TAFA2: variants seen among roughly 807,000 people sequenced by gnomAD.
TAFA2 encodes chemokine-like protein TAFA-2.
Under a neutral mutation model 18.8 loss-of-function variants are expected in TAFA2, and 7 were observed. The observed-to-expected ratio is 0.37, with a 90% CI of 0.21 to 0.70. The LOEUF (loss-of-function observed/expected upper bound fraction) is 0.70, where lower values mean the gene tolerates loss of function less well. TAFA2 is among the 30% of genes least tolerant of loss of function. TAFA2 has a pLI of 0.53. For missense variants in TAFA2, 122 were observed against 158.1 expected, an observed-to-expected ratio of 0.77 and a Z score of 1.23; for synonymous variants, 60 against 54.2, an observed-to-expected ratio of 1.11 and a Z score of -0.47.
intron 2 of TAFA2, among the ~76,000 whole-genome samples, chr12:61,772,972 C>G (rs888027225): frequency 6.6e-6 from 1 of 151,756 alleles, no homozygotes; most frequent in Non-Finnish European, 1.5e-5. Flanking sequence ...TAAAGACTCA[C>G]CCAGAAAGCT....
At chr12:61,864,383 A>G (rs1432318376) in intron 2 of TAFA2, among the ~76,000 whole-genome samples, 1 of 149,246 alleles carries the variant, frequency 6.7e-6, no homozygotes, top group Non-Finnish European at 1.5e-5. Flanking sequence ...TATATACCAT[A>G]TAGAAATATA....
At chr12:62,103,529 G>T (rs1333086304) in intron 1 of TAFA2, among the ~76,000 whole-genome samples, 1 of 152,124 alleles carries the variant, frequency 6.6e-6, no homozygotes, top group African/African-American at 2.4e-5. Context: ...ATCACCTGAG[G>T]TCAGGAGTTC....
intron 1 of TAFA2, among the ~76,000 whole-genome samples, chr12:62,203,773 C>G (rs949666446): frequency 5.3e-5 from 8 of 152,146 alleles, no homozygotes; most frequent in Admixed American, 3.3e-4. Flanking sequence ...ACCAATGGGT[C>G]TTGACTCTTT....
intron 2 of TAFA2, among the ~76,000 whole-genome samples, chr12:61,834,220 C>A (rs779118841): frequency 6.6e-6 from 1 of 152,016 alleles, no homozygotes; most frequent in Non-Finnish European, 1.5e-5. Flanking sequence ...CACCGTTTTG[C>A]TCTTGGGCCC....
chr12:62,020,431 T>G (rs1189617134), intron 1 of TAFA2, among the ~76,000 whole-genome samples: 2 of 152,038 alleles, frequency 1.3e-5, no homozygotes, highest in African/African-American at 4.8e-5. Context: ...TAAGAAAACT[T>G]AAAAAGAATG....
intron 1 of TAFA2, among the ~76,000 whole-genome samples, chr12:61,932,315 A>C (rs935064045): frequency 3.6e-4 from 55 of 152,210 alleles, no homozygotes; most frequent in African/African-American, 1.3e-3. Flanking sequence ...TTTGAAAAGA[A>C]ACTTTAAGGT....
chr12:62,075,838 T>C (rs946756017), intron 1 of TAFA2, among the ~76,000 whole-genome samples: 4 of 152,272 alleles, frequency 2.6e-5, no homozygotes, highest in African/African-American at 9.6e-5. Context: ...CTGATTATTA[T>C]ATTGTTAGTG....
intron 1 of TAFA2, among the ~76,000 whole-genome samples, chr12:61,974,195 T>C (rs919927937): frequency 2.6e-5 from 4 of 151,764 alleles, no homozygotes; most frequent in African/African-American, 9.7e-5. Context: ...TAATAAAATA[T>C]ATTCCTGTTC....
At chr12:61,851,718 T>C (rs1873659016) in intron 2 of TAFA2, among the ~76,000 whole-genome samples, 1 of 122,822 alleles carries the variant, frequency 8.1e-6, no homozygotes, top group African/African-American at 3.2e-5. Context: ...GTGCTTGCAG[T>C]GAACCGAGAT....
intron 1 of TAFA2, chr12:62,252,862 C>T (rs747999363): frequency 6.6e-6 from 1 of 152,152 alleles, no homozygotes; most frequent in Non-Finnish European, 1.5e-5. Context: ...AGATCAAACA[C>T]TCCATAAGTA....
chr12:62,047,445 T>C (rs975860766), intron 1 of TAFA2, among the ~76,000 whole-genome samples: 1 of 152,176 alleles, frequency 6.6e-6, no homozygotes, highest in Non-Finnish European at 1.5e-5. Flanking sequence ...CTCTATATAA[T>C]ATAAATTTAT....
intron 1 of TAFA2, among the ~76,000 whole-genome samples, chr12:62,013,856 T>C (rs1880844472): frequency 6.6e-6 from 1 of 152,152 alleles, no homozygotes; most frequent in Non-Finnish European, 1.5e-5. Flanking sequence ...AAAGCCAAAA[T>C]ACTATTGCAC....
Position 61,823,998 on chromosome 12 carries a change from C to T in TAFA2, c.106+43322G>A, listed in dbSNP as rs965894942. On this transcript the variant is annotated intron_variant, in intron 2 of 4. Transcript: ENST00000416284. ...TGATTTGATAATAGTCAGCAGAAAA[C>T]AGCAAAAGTGACAGGATGTCACTTC... 2.0e-5 allele frequency among the ~76,000 whole-genome samples: 3 copies of T among 152,068 alleles called. No homozygotes were observed. In the East Asian group the frequency reaches 5.8e-4, roughly 29 times the overall value.
chr12:61,961,373 G>C (rs1377043580), intron 1 of TAFA2, among the ~76,000 whole-genome samples: 1 of 151,828 alleles, frequency 6.6e-6, no homozygotes, highest in East Asian at 1.9e-4. Flanking sequence ...ACATGGATAG[G>C]TACTATATGC....
chr12:62,004,717 A>G (rs901884379), intron 1 of TAFA2, among the ~76,000 whole-genome samples: 14 of 152,130 alleles, frequency 9.2e-5, no homozygotes, highest in African/African-American at 3.4e-4. Flanking sequence ...TATCATATAG[A>G]TATCAGTGCT....
chr12:62,093,612 T>C lies in TAFA2; in HGVS notation c.-2+97647A>G, dbSNP rs575384313. Among the ~76,000 whole-genome samples, 20 of 152,160 alleles carry C rather than the reference T, an allele frequency of 1.3e-4. No homozygotes were observed. In the South Asian group the frequency reaches 3.7e-3, roughly 28 times the overall value. ...AATTTATACATCCAAACAGGTATTG[T>C]TCCCCTCACAGTGATAACCTTGCAA... On this transcript the variant is annotated intron_variant, in intron 1 of 4. Transcript: ENST00000416284.
rs561295594 is a variant in TAFA2, at chr12:62,080,406, T to A, written c.-2+110853A>T. 2.1e-4 allele frequency among the ~76,000 whole-genome samples: 32 copies of A among 152,208 alleles called. 1 individual carries two copies. In the East Asian group the frequency reaches 6.2e-3, roughly 29 times the overall value. ...TACAAGTATGTACAGGGGGTGAAAA[T>A]CTTGGGGGTTGTCTTAAAATTCTGC... is the stretch of plus-strand genomic sequence containing the variant. On this transcript the variant is annotated intron_variant, in intron 1 of 4. Transcript: ENST00000416284.
At chr12:61,973,258 C>T (rs1167974381) in intron 1 of TAFA2, among the ~76,000 whole-genome samples, 1 of 151,534 alleles carries the variant, frequency 6.6e-6, no homozygotes, top group African/African-American at 2.4e-5. Context: ...TGCCCTAATC[C>T]CCTCACTTAT....
At chr12:61,880,811 A>C (rs1875096670) in intron 1 of TAFA2, 15 of 320,248 alleles carry the variant, frequency 4.7e-5, no homozygotes, top group South Asian at 4.6e-4. Flanking sequence ...TCCCCCCTGC[A>C]GCTGCCCCAG....
Sources: allele counts gnomAD v4.1 joint callset (sites outside exome capture counted in the v4.1 genomes callset), GRCh38; gene constraint gnomAD v4.1.1; transcripts MANE v1.5; gene names NCBI Gene and HGNC (gene_info 2026-07-23, HGNC 2026-07-21).